Variants in SHISA5 observed in about 807,000 individuals in gnomAD.
The protein encoded by SHISA5 is protein shisa-5.
In SHISA5, 21 loss-of-function variants were observed where a neutral mutation model predicts 27.5. The observed-to-expected ratio is 0.76, with a 90% CI of 0.54 to 1.10. The LOEUF is 1.10. SHISA5 is among the 50% of genes least tolerant of loss of function. SHISA5 has a pLI of 0.00. For missense variants in SHISA5, 314 were observed against 336.3 expected, an observed-to-expected ratio of 0.93 and a Z score of 0.52; for synonymous variants, 137 against 142.2, an observed-to-expected ratio of 0.96 and a Z score of 0.26.
chr3:48,468,333 G>T lies in SHISA5; in HGVS notation c.*774C>A, dbSNP rs570343285. 24 of 1,048,498 alleles carry T rather than the reference G, an allele frequency of 2.3e-5. No homozygotes were observed. The East Asian group carries it at 2.0e-3, about 88-fold the overall frequency. 64.9% of individuals were successfully genotyped at this position (1,048,498 alleles called of 1,614,324 possible). A position where few individuals can be genotyped will look rare whatever the true frequency, so the allele number is the denominator to read the frequency against. Reference sequence around the variant, plus strand: ...AGGAGCCCTGCTCACCTGTGGGAAGGGCAGGGCCAGCAAGGGCAGCAGAGC... The same window carrying T: ...AGGAGCCCTGCTCACCTGTGGGAAGTGCAGGGCCAGCAAGGGCAGCAGAGC... On this transcript the variant is annotated 3_prime_UTR_variant, in exon 6 of 6. Coordinates refer to ENST00000296444, the MANE Select transcript of SHISA5 (RefSeq NM_016479.6).
intron 2 of SHISA5, among the ~76,000 whole-genome samples, chr3:48,486,482 T>A (rs2041247716): frequency 9.1e-6 from 1 of 109,720 alleles, no homozygotes; most frequent in Non-Finnish European, 1.7e-5. Flanking sequence ...TTATATATAT[T>A]ACATATTATA....
chr3:48,483,659 G>A (rs2041097078), intron 2 of SHISA5, among the ~76,000 whole-genome samples: 1 of 151,500 alleles, frequency 6.6e-6, no homozygotes, highest in Non-Finnish European at 1.5e-5. Flanking sequence ...TTCCCAGTAG[G>A]GGTGGCCGGG....
chr3:48,501,379 CCACA>C, intron 1 of SHISA5, 86 bp from the exon 2 acceptor site: 66 of 1,383,134 alleles, frequency 4.8e-5, no homozygotes, highest in African/African-American at 5.8e-5. Flanking sequence ...AGCCACCAGA[CCACA>C]CACACACACA....
In SHISA5 at chr3:48,468,414, A is replaced by C; in HGVS notation, c.*693T>G. ...GTGGCCCTCCAGCTGGTCCCAGGGG[A>C]GATGCGGGGACAGGGGACAGTCCAG... On this transcript the variant is annotated 3_prime_UTR_variant, in exon 6 of 6. Coordinates refer to ENST00000296444, the MANE Select transcript of SHISA5 (RefSeq NM_016479.6). The C allele has an allele frequency of 9.0e-7, 1 of 1,110,786 alleles. No individual in the cohort carries two copies. Among genetic ancestry groups the C allele is most frequent in the Non-Finnish European group, 1.1e-6 (1 of 902,228 alleles). 68.8% of individuals were successfully genotyped at this position (1,110,786 alleles called of 1,614,324 possible).
chr3:48,478,727 C>G (rs998867338), intron 3 of SHISA5, among the ~76,000 whole-genome samples: 5 of 152,274 alleles, frequency 3.3e-5, no homozygotes, highest in Admixed American at 3.3e-4. Context: ...CTCTCCCCAC[C>G]GTTATCACCC....
rs1483995209 is a variant in SHISA5, at chr3:48,473,216, G to A, written c.315-3373C>T. ...CACAGGATGGCCCCGCCCAGCAGCC[G>A]GCTAGCAGCCAAGGAGCCAAGGGGC... On this transcript the variant is annotated intron_variant, in intron 3 of 5. Transcript: ENST00000296444. The surrounding 1 kb of genome is among the most constrained non-coding windows in gnomAD (Gnocchi z 4.3). 35 of 1,427,106 alleles carry A rather than the reference G, an allele frequency of 2.5e-5. No homozygotes were observed. Among genetic ancestry groups the A allele is most frequent in the East Asian group, 1.3e-4 (5 of 39,198 alleles). 88.4% of individuals were successfully genotyped at this position (1,427,106 alleles called of 1,614,324 possible). A position where few individuals can be genotyped will look rare whatever the true frequency, so the allele number is the denominator to read the frequency against.
rs1351595149 is a variant in SHISA5 at position 48,503,192 on chromosome 3, G to T, written c.76+827C>A. The T allele has an allele frequency of 2.3e-6, 3 of 1,289,510 alleles. No individual in the cohort carries two copies. The Admixed American group carries it at 6.9e-5, about 30-fold the overall frequency. 79.9% of individuals were successfully genotyped at this position (1,289,510 alleles called of 1,614,324 possible). ...AGCCCAATCTGAGCCTCTGAGCTAG[G>T]GCTGAAGACACACCGGTGAGGCTGT... On this transcript the variant is annotated intron_variant, in intron 1 of 5. Transcript: ENST00000296444.
chr3:48,499,411 G>A (rs968841100), intron 2 of SHISA5, among the ~76,000 whole-genome samples: 2 of 152,036 alleles, frequency 1.3e-5, no homozygotes, highest in Non-Finnish European at 2.9e-5. Flanking sequence ...AGGCGCGGTG[G>A]CTCATGCCTG....
Position 48,473,077 on chromosome 3 carries a change from G to T in SHISA5, c.315-3234C>A. 4 of 1,504,648 alleles carry T rather than the reference G, an allele frequency of 2.7e-6. No individual in the cohort carries two copies. Among genetic ancestry groups the T allele is most frequent in the Non-Finnish European group, 3.5e-6 (4 of 1,133,936 alleles). The allele number at this position is 1,504,648 out of a possible 1,614,324, so 93.2% of individuals were successfully genotyped here. ...CTGGGCTTTCCCCTCTTCCCATCGT[G>T]GGCCACTCAGTTTCAATTTCCTCCC... is the stretch of plus-strand genomic sequence containing the variant. On this transcript the variant is annotated intron_variant, in intron 3 of 5. Transcript: ENST00000296444. The surrounding 1 kb of genome is among the most constrained non-coding windows in gnomAD (Gnocchi z 4.3).
chr3:48,504,198 C>G, upstream of SHISA5: 1 of 466,106 alleles, frequency 2.1e-6, no homozygotes. The surrounding 1 kb of genome is among the most constrained non-coding windows in gnomAD (Gnocchi z 4.0). Flanking sequence ...CGCCCCGCCC[C>G]GGCCCGGCTG....
At chr3:48,471,716 A>G (rs1394917192) in intron 3 of SHISA5, among the ~76,000 whole-genome samples, 1 of 151,138 alleles carries the variant, frequency 6.6e-6, no homozygotes, top group Non-Finnish European at 1.5e-5. Flanking sequence ...AATTCGAGAA[A>G]GTATAAAAAA....
chr3:48,471,425 T>TACAAAAA, intron 3 of SHISA5, among the ~76,000 whole-genome samples: 2 of 150,204 alleles, frequency 1.3e-5, no homozygotes, highest in African/African-American at 2.5e-5. Flanking sequence ...CTACTAAAAA[T>TACAAAAA]TAGCCGGTAG....
chr3:48,487,475 AT>A (rs558043687), intron 2 of SHISA5, among the ~76,000 whole-genome samples: 1 of 152,114 alleles, frequency 6.6e-6, no homozygotes, highest in Non-Finnish European at 1.5e-5. Context: ...CTGTGTAGAA[AT>A]TTTGTCTTTC....
At chr3:48,498,567 G>C (rs1409662636) in intron 2 of SHISA5, among the ~76,000 whole-genome samples, 3 of 151,136 alleles carry the variant, frequency 2.0e-5, no homozygotes, top group Non-Finnish European at 4.4e-5. Context: ...TGCACTTGTG[G>C]TCCCAGCTAC....
Position 48,473,414 on chromosome 3 carries a change from C to A in SHISA5, c.315-3571G>T. The A allele has an allele frequency of 7.6e-7, 1 of 1,310,772 alleles. No homozygotes were observed. The highest frequency in any genetic ancestry group is 1.0e-6 in the Non-Finnish European group (1 of 1,003,240). The allele number at this position is 1,310,772 out of a possible 1,614,324, so 81.2% of individuals were successfully genotyped here. On this transcript the variant is annotated intron_variant, in intron 3 of 5. Coordinates refer to ENST00000296444, the MANE Select transcript of SHISA5 (RefSeq NM_016479.6). This position sits in a 1 kb window ranked among gnomAD's most constrained non-coding sequence, Gnocchi z 4.3. Reference sequence around the variant, plus strand: ...ACTCTAGCTCAGCAGCACCCCCACCCCCACTTCCACCTAACCCACCGGCCC... The same window carrying A: ...ACTCTAGCTCAGCAGCACCCCCACCACCACTTCCACCTAACCCACCGGCCC...
intron 2 of SHISA5, among the ~76,000 whole-genome samples, chr3:48,487,140 A>ACACACACTCC (rs891768225): frequency 6.6e-6 from 1 of 151,748 alleles, no homozygotes; most frequent in African/African-American, 2.4e-5. Context: ...GCACACACAC[A>ACACACACTCC]CACACACTCC....
intron 3 of SHISA5, among the ~76,000 whole-genome samples, chr3:48,476,589 C>T (rs1362100233): frequency 1.3e-5 from 2 of 152,196 alleles, no homozygotes; most frequent in African/African-American, 2.4e-5. Flanking sequence ...GTAGGCAGCA[C>T]ATGGATGCCC....
intron 3 of SHISA5, among the ~76,000 whole-genome samples, chr3:48,475,836 G>A (rs945422999): frequency 6.6e-6 from 1 of 152,202 alleles, no homozygotes; most frequent in African/African-American, 2.4e-5. Flanking sequence ...AGTGAATAAG[G>A]CAAGAATGGC....
intron 2 of SHISA5, among the ~76,000 whole-genome samples, chr3:48,480,707 T>C (rs1283630219): frequency 5.3e-5 from 8 of 151,482 alleles, no homozygotes; most frequent in African/African-American, 1.9e-4. Flanking sequence ...TGCAGTAAGC[T>C]CAGATCACGT....
Sources: gnomAD v4.1 joint callset for allele counts (sites outside exome capture counted in the v4.1 genomes callset) on GRCh38, gnomAD v4.1.1 for gene constraint, Gnocchi (gnomAD v3.1) non-coding constraint, MANE v1.5 for transcripts, NCBI Gene and HGNC (gene_info 2026-07-23, HGNC 2026-07-21) for gene names.